Variants in DNAH8 observed in about 807,000 individuals in gnomAD.
DNAH8 encodes the protein axonemal beta dynein heavy chain 8.
Under a neutral mutation model 562.1 loss-of-function variants are expected in DNAH8, and 382 were observed. The ratio of observed to expected loss-of-function variants is 0.68; its 90% CI spans 0.63 to 0.74. The LOEUF is 0.74. DNAH8 is among the 30% of genes least tolerant of loss of function. The pLI is 0.00. For synonymous variants in DNAH8, 1,881 were observed against 1,919.4 expected (o/e 0.98, Z 0.52); for missense variants, 5,203 against 5,620.4 (o/e 0.93, Z 2.37).
chr6:38,719,079 A>G (rs1486082496), intron 1 of DNAH8, among the ~76,000 whole-genome samples: 3 of 152,192 alleles, frequency 2.0e-5, no homozygotes, highest in Non-Finnish European at 4.4e-5. Flanking sequence ...ATCACAATTT[A>G]ACATTCTTGA....
intron 21 of DNAH8, among the ~76,000 whole-genome samples, chr6:38,802,881 C>G (rs1262994678): frequency 6.6e-6 from 1 of 152,264 alleles, no homozygotes; most frequent in Non-Finnish European, 1.5e-5. Context: ...TCTCTCCACC[C>G]CTTCAGCCTT....
At chr6:38,904,516 C>A (rs1053855588) in intron 62 of DNAH8, among the ~76,000 whole-genome samples, 3 of 152,038 alleles carry the variant, frequency 2.0e-5, no homozygotes, top group Admixed American at 2.0e-4. Context: ...GCTGGCCGGG[C>A]GCCCTGGCTC....
chr6:39,029,361 C>T (rs563366382), intron 92 of DNAH8, among the ~76,000 whole-genome samples: 1 of 152,186 alleles, frequency 6.6e-6, no homozygotes. Context: ...CTGAGCACTC[C>T]AGCCACAGGG....
chr6:38,873,685 AT>A (rs1016431211), intron 52 of DNAH8, among the ~76,000 whole-genome samples: 37 of 149,840 alleles, frequency 2.5e-4, no homozygotes, highest in African/African-American at 8.5e-4. Flanking sequence ...AAATATAGTA[AT>A]TAATTAAATT....
At chr6:38,767,370 T>A (rs1268018991) in intron 11 of DNAH8, among the ~76,000 whole-genome samples, 1 of 150,530 alleles carries the variant, frequency 6.6e-6, no homozygotes, top group Non-Finnish European at 1.5e-5. Context: ...CTGGGAGGCG[T>A]AGATTGCAGT....
At chr6:38,897,929 T>G (rs932379734) in intron 60 of DNAH8, among the ~76,000 whole-genome samples, 4 of 152,192 alleles carry the variant, frequency 2.6e-5, no homozygotes, top group Non-Finnish European at 5.9e-5. Flanking sequence ...CCTTTTTATA[T>G]TTTTGAAAGC....
At chr6:38,834,698 G>A in intron 32 of DNAH8, 57 bp downstream of exon 32, 1 of 1,353,888 alleles carries the variant, frequency 7.4e-7, no homozygotes. Flanking sequence ...AATTATTTTG[G>A]GGAAAGATGG....
intron 53 of DNAH8, among the ~76,000 whole-genome samples, chr6:38,878,242 A>G (rs528087540): frequency 6.6e-6 from 1 of 152,338 alleles, no homozygotes; most frequent in African/African-American, 2.4e-5. Flanking sequence ...AAATTATAGA[A>G]TGCTTCAGCC....
chr6:38,929,686 AAAAAAAG>A lies in DNAH8; in HGVS notation c.11274+24_11274+30del. 2.0e-6 allele frequency: 3 copies of A among 1,514,002 alleles called. No individual in the cohort carries two copies. The highest frequency in any genetic ancestry group is 2.9e-5 in the African/African-American group (2 of 70,110). The allele number at this position is 1,514,002 out of a possible 1,614,324, so 93.8% of individuals were successfully genotyped here. On this transcript the variant is annotated intron_variant, in intron 75 of 92. Coordinates refer to ENST00000327475, the MANE Select transcript of DNAH8 (RefSeq NM_001206927.2). ...TTCAAGGTGAGCTTTGTAAAAAAAA[AAAAAAAG>A]AAAGAAAGAAAGAAAAGAAAAAGAA... is the stretch of plus-strand genomic sequence containing the variant.
At chr6:38,770,701 A>G (rs536390321) in intron 12 of DNAH8, 142 bp downstream of exon 12, 92 of 735,684 alleles carry the variant, frequency 1.3e-4, no homozygotes, top group Non-Finnish European at 1.7e-4. Flanking sequence ...CTTATAGGTC[A>G]CTGCATTTTA....
chr6:38,738,044 T>G, intron 7 of DNAH8, 72 bp downstream of exon 7: 2 of 1,492,022 alleles, frequency 1.3e-6, no homozygotes, highest in Non-Finnish European at 1.8e-6. Context: ...ATTTTGTCTC[T>G]AACAGCAAAG....
At chr6:38,994,279 C>T (rs573716605) in intron 88 of DNAH8, among the ~76,000 whole-genome samples, 1 of 151,928 alleles carries the variant, frequency 6.6e-6, no homozygotes, top group Non-Finnish European at 1.5e-5. Context: ...GATAACAACC[C>T]TTTGTTTGTG....
At chr6:38,717,127 G>A (rs531078331) in intron 1 of DNAH8, among the ~76,000 whole-genome samples, 3 of 152,236 alleles carry the variant, frequency 2.0e-5, no homozygotes, top group Admixed American at 1.3e-4. Flanking sequence ...TAGGAGGATC[G>A]CTTGAGCCCA....
chr6:38,842,489 C>A lies in DNAH8; in HGVS notation c.4588C>A (p.Leu1530Met). ...TATTGAAAAAATTAATGCAGAACTG[C>A]TGGAATTTCAAAACAGGTGAGTTTC... ...VDIEKINAEL[L>M]EFQNRCRKLP... Residue 1530 changes from leucine (L) to methionine (M), a missense_variant, in exon 34 of 93, where the codon CTG becomes ATG. By Grantham distance (15) the Leu-to-Met change is conservative. Transcript: ENST00000327475. 1 of 1,611,806 alleles carries A rather than the reference C, an allele frequency of 6.2e-7. No homozygotes were observed. The highest frequency in any genetic ancestry group is 2.2e-5 in the East Asian group (1 of 44,788).
chr6:38,996,099 A>G (rs1217911699), intron 88 of DNAH8, among the ~76,000 whole-genome samples: 1 of 152,122 alleles, frequency 6.6e-6, no homozygotes, highest in Non-Finnish European at 1.5e-5. Flanking sequence ...GCAAAATCAC[A>G]CTGTGACAGA....
At chr6:38,828,079 T>C in intron 29 of DNAH8, 105 bp from the exon 30 acceptor site, 1 of 742,432 alleles carries the variant, frequency 1.3e-6, no homozygotes. Context: ...TTCTAGAACA[T>C]GCTGTCTTCT....
At chr6:38,800,870 C>T (rs1044696905) in intron 21 of DNAH8, among the ~76,000 whole-genome samples, 2 of 152,162 alleles carry the variant, frequency 1.3e-5, no homozygotes, top group Non-Finnish European at 2.9e-5. Context: ...AGTAGGTATT[C>T]AGATCATTTG....
chr6:38,749,821 A>G (rs1582898759), intron 8 of DNAH8, among the ~76,000 whole-genome samples: 2 of 152,212 alleles, frequency 1.3e-5, no homozygotes, highest in Admixed American at 1.3e-4. Context: ...TGTTTTGAAT[A>G]ATGTTCTTTT....
At chr6:38,780,086 T>C (rs1768435859) in intron 15 of DNAH8, 21 bp downstream of exon 15, 2 of 1,605,336 alleles carry the variant, frequency 1.2e-6, no homozygotes, top group African/African-American at 1.3e-5. Context: ...TGTTTATAAA[T>C]AAAATGGTAC....
Sources: gnomAD v4.1 joint callset for allele counts (sites outside exome capture counted in the v4.1 genomes callset) on GRCh38, gnomAD v4.1.1 for gene constraint, MANE v1.5 for transcripts, NCBI Gene and HGNC (gene_info 2026-07-23, HGNC 2026-07-21) for gene names.